CYFIP2: variants seen among roughly 807,000 people sequenced by gnomAD.
CYFIP2 encodes the protein cytoplasmic FMR1-interacting protein 2.
A neutral mutation model predicts 158.7 loss-of-function variants in CYFIP2; 29 were observed. The ratio of observed to expected loss-of-function variants is 0.18; its 90% confidence interval spans 0.14 to 0.25. CYFIP2 has a LOEUF of 0.25. Ranked by LOEUF, CYFIP2 falls within the 10% of genes least tolerant of loss-of-function variation. The pLI is 1.00. For synonymous variants in CYFIP2, 585 were observed against 617.6 expected, an observed-to-expected ratio of 0.95 and a Z score of 0.78; for missense variants, 852 against 1,639.5, an observed-to-expected ratio of 0.52 and a Z score of 8.29.
intron 1 of CYFIP2, among the ~76,000 whole-genome samples, chr5:157,272,456 C>A (rs1458624184): frequency 6.6e-6 from 1 of 152,170 alleles, no homozygotes; most frequent in African/African-American, 2.4e-5. Flanking sequence ...TTTAAAAAAT[C>A]AAATAGTATT....
At chr5:157,338,962 C>T in intron 21 of CYFIP2, 95 bp from the exon 22 acceptor site, 4 of 1,276,370 alleles carry the variant, frequency 3.1e-6, no homozygotes, top group Non-Finnish European at 4.3e-6. Flanking sequence ...GTCTGAGCAG[C>T]TGTCACTTGC....
chr5:157,284,548 G>C (rs1417402302), intron 1 of CYFIP2, among the ~76,000 whole-genome samples: 2 of 152,184 alleles, frequency 1.3e-5, no homozygotes, highest in African/African-American at 4.8e-5. Flanking sequence ...ATATGTTTGG[G>C]GGGAAAAATG....
intron 30 of CYFIP2, among the ~76,000 whole-genome samples, chr5:157,392,567 T>A (rs1243305541): frequency 6.6e-6 from 1 of 152,262 alleles, no homozygotes; most frequent in Non-Finnish European, 1.5e-5. Flanking sequence ...CTATTCTGTT[T>A]TATTCATCTG....
intron 30 of CYFIP2, among the ~76,000 whole-genome samples, chr5:157,392,553 C>T (rs1368691536): frequency 1.3e-5 from 2 of 152,184 alleles, no homozygotes; most frequent in Non-Finnish European, 2.9e-5. Context: ...TATTTCTGGG[C>T]TCTCTATTCT....
intron 3 of CYFIP2, among the ~76,000 whole-genome samples, chr5:157,288,963 G>T (rs1427074765): frequency 6.6e-6 from 1 of 152,180 alleles, no homozygotes; most frequent in Admixed American, 6.5e-5. Flanking sequence ...ATACCTTGTA[G>T]ATACAGTATA....
chr5:157,373,070 A>G (rs1765140940), intron 26 of CYFIP2, among the ~76,000 whole-genome samples: 1 of 152,254 alleles, frequency 6.6e-6, no homozygotes, highest in Non-Finnish European at 1.5e-5. Context: ...TAAATTTTAT[A>G]CTCTCCAGCT....
At chr5:157,290,552 A>C (rs1757734319) in intron 3 of CYFIP2, among the ~76,000 whole-genome samples, 1 of 102,488 alleles carries the variant, frequency 9.8e-6, no homozygotes. Flanking sequence ...TGGTCACATC[A>C]GCAAATTGCC....
intron 28 of CYFIP2, among the ~76,000 whole-genome samples, chr5:157,385,758 A>T (rs1766615468): frequency 6.6e-6 from 1 of 151,924 alleles, no homozygotes; most frequent in African/African-American, 2.4e-5. Flanking sequence ...TTCAAAAAAC[A>T]TTGAGGTTTT....
At chr5:157,275,327 A>G (rs1402607047) in intron 1 of CYFIP2, among the ~76,000 whole-genome samples, 1 of 152,194 alleles carries the variant, frequency 6.6e-6, no homozygotes, top group Non-Finnish European at 1.5e-5. Context: ...TTAATTTATT[A>G]TATATTACAT....
intron 23 of CYFIP2, among the ~76,000 whole-genome samples, chr5:157,354,751 G>A (rs544200710): frequency 1.3e-5 from 2 of 152,090 alleles, no homozygotes; most frequent in South Asian, 2.1e-4. Flanking sequence ...AAAGTGAACC[G>A]AGTGGGTGTG....
chr5:157,343,532 T>G, intron 23 of CYFIP2: 1 of 1,547,678 alleles, frequency 6.5e-7, no homozygotes, highest in Non-Finnish European at 8.7e-7. Context: ...CACCTCGATG[T>G]TCATCCCGAT....
chr5:157,285,378 C>T lies in CYFIP2; in HGVS notation c.17C>T (p.Thr6Ile). 1 of 1,572,864 alleles carries T rather than the reference C, an allele frequency of 6.4e-7. No homozygotes were observed. The highest frequency in any genetic ancestry group is 8.6e-7 in the Non-Finnish European group (1 of 1,159,144). MTTHVTLEDALSNVDL... is the reference protein window; with the variant it reads MTTHVILEDALSNVDL... ...ACTGCAGCCATGACCACGCACGTCA[C>T]CCTGGAAGATGCCCTGTCCAACGTG... is the stretch of plus-strand genomic sequence containing the variant. Residue 6 changes from threonine to isoleucine, a missense_variant, in exon 2 of 31, where the codon ACC becomes ATC. By Grantham distance (89) the Thr-to-Ile change is moderately conservative. Transcript: ENST00000620254.
At chr5:157,347,258 A>G (rs767461328) in intron 23 of CYFIP2, among the ~76,000 whole-genome samples, 1 of 151,530 alleles carries the variant, frequency 6.6e-6, no homozygotes, top group Non-Finnish European at 1.5e-5. Context: ...ACTTGAGCTT[A>G]AGAGTTCCAG....
intron 5 of CYFIP2, among the ~76,000 whole-genome samples, chr5:157,299,850 C>T (rs1406392974): frequency 2.0e-5 from 3 of 152,098 alleles, no homozygotes; most frequent in East Asian, 1.9e-4. Flanking sequence ...TGCAGTGAGC[C>T]GACATTGTGC....
rs567759548 is a variant in CYFIP2, at chr5:157,330,887, G to T, written c.2265+37G>T. 1.6e-5 allele frequency: 24 copies of T among 1,476,360 alleles called. No homozygotes were observed. In the South Asian group the frequency reaches 2.7e-4, roughly 17 times the overall value. The allele number at this position is 1,476,360 out of a possible 1,614,324, so 91.5% of individuals were successfully genotyped here. A position where few individuals can be genotyped will look rare whatever the true frequency, so the allele number is the denominator to read the frequency against. On this transcript the variant is annotated intron_variant, in intron 20 of 30. Coordinates refer to ENST00000620254, the MANE Select transcript of CYFIP2 (RefSeq NM_001037333.3). ...AGAAGCCACCTTGGAGATGGAAGGG[G>T]CAGGAGAGAGCAGCTGCGAAGTTAG...
At chr5:157,343,599 C>T in intron 23 of CYFIP2, 3 of 1,349,080 alleles carry the variant, frequency 2.2e-6, no homozygotes, top group Non-Finnish European at 3.0e-6. Flanking sequence ...ATGTATTTAT[C>T]ATAATCATAG....
intron 26 of CYFIP2, among the ~76,000 whole-genome samples, chr5:157,380,795 C>A (rs749635502): frequency 6.6e-6 from 1 of 152,112 alleles, no homozygotes; most frequent in Non-Finnish European, 1.5e-5. Context: ...GAAAGATTAG[C>A]CTGAATGATC....
At chr5:157,340,889 C>T (rs1207606748) in intron 22 of CYFIP2, among the ~76,000 whole-genome samples, 181 bp from the exon 23 acceptor site, 3 of 152,122 alleles carry the variant, frequency 2.0e-5, no homozygotes, top group Non-Finnish European at 4.4e-5. Context: ...AGAAAGGAGA[C>T]GGCAGTTGAA....
At chr5:157,343,391 T>C in intron 23 of CYFIP2, 3 of 1,614,142 alleles carry the variant, frequency 1.9e-6, no homozygotes, top group Non-Finnish European at 2.5e-6. Context: ...CTCCTCGTGG[T>C]GGAAGCTGTA....
Sources: gnomAD v4.1 joint callset for allele counts (sites outside exome capture counted in the v4.1 genomes callset) on GRCh38, gnomAD v4.1.1 for gene constraint, MANE v1.5 for transcripts, NCBI Gene and HGNC (gene_info 2026-07-23, HGNC 2026-07-21) for gene names.